NLRC3: variants seen among roughly 807,000 people sequenced by gnomAD.
NLRC3 encodes the protein NLR family CARD domain containing 3.
In NLRC3, 87 loss-of-function variants were observed where a neutral mutation model predicts 91.6. The ratio of observed to expected loss-of-function variants is 0.95; its 90% CI spans 0.80 to 1.14. The LOEUF is 1.14. NLRC3 is among the 50% of genes most tolerant of loss of function. The probability of loss-of-function intolerance (pLI) is 0.00; values close to 1 mark genes in which losing one functional copy is unlikely to be tolerated. For synonymous variants in NLRC3, 694 were observed against 625.3 expected, an observed-to-expected ratio of 1.11 and a Z score of -1.64; for missense variants, 1,577 against 1,418.6, an observed-to-expected ratio of 1.11 and a Z score of -1.79.
chr16:3,568,397 C>A (rs192406125), intron 1 of NLRC3, among the ~76,000 whole-genome samples: 58 of 152,200 alleles, frequency 3.8e-4, no homozygotes, highest in African/African-American at 1.2e-3. Flanking sequence ...TTCTTTTATT[C>A]TTCTAAATGT....
In NLRC3 at chr16:3,565,398, G is replaced by A. The variant is rs1459301081; in HGVS notation, c.-86-18C>T. The A allele has an allele frequency of 4.3e-6, 2 of 465,492 alleles. No individual in the cohort carries two copies. Among genetic ancestry groups the A allele is most frequent in the South Asian group, 1.6e-5 (1 of 63,774 alleles). The allele number at this position is 465,492 out of a possible 1,614,324, so 28.8% of individuals were successfully genotyped here. A position where few individuals can be genotyped will look rare whatever the true frequency, so the allele number is the denominator to read the frequency against. On this transcript the variant is annotated intron_variant, in intron 2 of 19. Coordinates refer to ENST00000359128, the MANE Select transcript of NLRC3 (RefSeq NM_178844.4). ...TTTGTGACCTGGAAATGATGATGAG[G>A]TTACAAGTAAGTTTGCTCAAAAGGA...
intron 5 of NLRC3, 113 bp downstream of exon 5, chr16:3,562,896 T>C: frequency 1.0e-6 from 1 of 978,724 alleles, no homozygotes; most frequent in Non-Finnish European, 1.6e-6. Flanking sequence ...TTCATGGTCC[T>C]CTGTTACGGC....
Position 3,565,002 on chromosome 16 carries a change from G to A in NLRC3, c.35C>T (p.Ala12Val). The A allele has an allele frequency of 6.2e-7, 1 of 1,610,286 alleles. No homozygotes were observed. Among genetic ancestry groups the A allele is most frequent in the Non-Finnish European group, 8.5e-7 (1 of 1,179,722 alleles). Reference protein sequence around the residue: ...RKQEVRTGREAGQGHGTGSPA... With the variant: ...RKQEVRTGREVGQGHGTGSPA... ...GGAGCCCGTACCGTGGCCCTGGCCG[G>A]CCTCCCTGCCCGTCCGCACCTCTTG... is the stretch of plus-strand genomic sequence containing the variant. The change falls in exon 4 of 20, where the codon GCC (alanine) becomes GTC (valine). Residue 12 changes from alanine (A) to valine (V), a missense_variant. Physicochemically the swap from Ala to Val is moderately conservative, Grantham distance 64 (BLOSUM62 0). Coordinates refer to ENST00000359128, the MANE Select transcript of NLRC3 (RefSeq NM_178844.4).
intron 8 of NLRC3, among the ~76,000 whole-genome samples, chr16:3,555,145 G>A (rs2039237008): frequency 6.6e-6 from 1 of 150,810 alleles, no homozygotes; most frequent in Non-Finnish European, 1.5e-5. Context: ...CAGGAGAAGT[G>A]CTTGAACCTG....
chr16:3,569,397 A>ATATATATATATATATTTTTT (rs2040013749), intron 1 of NLRC3, among the ~76,000 whole-genome samples: 1 of 41,046 alleles, frequency 2.4e-5, no homozygotes, highest in African/African-American at 1.2e-4. Flanking sequence ...TATATATATT[A>ATATATATATATATATTTTTT]TTTTTTTTTT....
chr16:3,555,051 GA>G (rs1204887807), intron 8 of NLRC3, among the ~76,000 whole-genome samples: 1 of 152,068 alleles, frequency 6.6e-6, no homozygotes, highest in Non-Finnish European at 1.5e-5. Flanking sequence ...CCAACATGGT[GA>G]AACCCCATCT....
At chr16:3,542,941 G>T in intron 17 of NLRC3, 166 bp from the exon 18 acceptor site, 1 of 590,344 alleles carries the variant, frequency 1.7e-6, no homozygotes, top group South Asian at 2.1e-5. Context: ...GGCAGAGCTG[G>T]CTCTGGGAAG....
rs775439474 is a variant in NLRC3, at chr16:3,556,934, G to C, written c.2160C>G (p.Ile720Met). The change falls in exon 8 of 20, where the codon ATC becomes ATG. Residue 720 changes from isoleucine to methionine, a missense_variant. Coordinates refer to ENST00000359128, the MANE Select transcript of NLRC3 (RefSeq NM_178844.4). ...ACCTCAGGGAGGTCAGGGTGCGGTT[G>C]ATCTTCAAAGCGTCTGCCAGCGCCT... ...GAKALADALK[I>M]NRTLTSLSLQ... 11 of 1,613,476 alleles carry C rather than the reference G, an allele frequency of 6.8e-6. No individual in the cohort carries two copies. Among genetic ancestry groups the C allele is most frequent in the Non-Finnish European group, 9.3e-6 (11 of 1,179,662 alleles).
At chr16:3,577,012 G>A (rs2040330413) in intron 1 of NLRC3, 137 bp downstream of exon 1, 2 of 672,894 alleles carry the variant, frequency 3.0e-6, no homozygotes, top group Non-Finnish European at 5.4e-6. Context: ...TGCCCCAGGA[G>A]ACAGCTTCTT....
chr16:3,563,716 C>T lies in NLRC3; in HGVS notation c.1221G>A (p.Gly407=). The change falls in exon 5 of 20, where the codon GGG becomes GGA. Residue 407 remains glycine (G), a synonymous_variant. Coordinates refer to ENST00000359128, the MANE Select transcript of NLRC3 (RefSeq NM_178844.4). ...VGTLGRLAFH[G]LLKKKYVFYE... ...AAAACACGTATTTCTTCTTGAGCAG[C>T]CCATGGAAGGCCAGACGGCCCAATG... is the stretch of plus-strand genomic sequence containing the variant. The T allele has an allele frequency of 6.2e-7, 1 of 1,613,580 alleles. No homozygotes were observed. Among genetic ancestry groups the T allele is most frequent in the Non-Finnish European group, 8.5e-7 (1 of 1,179,808 alleles).
chr16:3,551,880 C>T (rs977827860), intron 10 of NLRC3, among the ~76,000 whole-genome samples: 1 of 151,168 alleles, frequency 6.6e-6, no homozygotes, highest in African/African-American at 2.4e-5. Flanking sequence ...CATCCATCCA[C>T]CCACCCATAT....
intron 1 of NLRC3, among the ~76,000 whole-genome samples, chr16:3,572,880 G>A (rs773923477): frequency 1.3e-5 from 2 of 151,936 alleles, no homozygotes; most frequent in Non-Finnish European, 2.9e-5. Flanking sequence ...GGGCATGGTG[G>A]TGGGTGACCG....
chr16:3,568,713 T>G (rs1336230924), intron 1 of NLRC3, among the ~76,000 whole-genome samples: 1 of 151,564 alleles, frequency 6.6e-6, no homozygotes, highest in Admixed American at 6.6e-5. Flanking sequence ...GGCAACAGAG[T>G]GAGACCCTGT....
intron 2 of NLRC3, among the ~76,000 whole-genome samples, chr16:3,566,194 T>G (rs898511373): frequency 6.6e-6 from 1 of 150,398 alleles, no homozygotes; most frequent in Non-Finnish European, 1.5e-5. Flanking sequence ...GTTTACTGAT[T>G]ATAATCAATG....
At chr16:3,550,916 C>T (rs1223379784) in intron 10 of NLRC3, among the ~76,000 whole-genome samples, 1 of 152,138 alleles carries the variant, frequency 6.6e-6, no homozygotes, top group African/African-American at 2.4e-5. Context: ...CTAACCAGCA[C>T]TCACACTTCC....
At chr16:3,577,021 TTGGAGTCTCG>T in intron 1 of NLRC3, 118 bp downstream of exon 1, 2 of 680,932 alleles carry the variant, frequency 2.9e-6, no homozygotes, top group Admixed American at 2.1e-5. Flanking sequence ...AGACAGCTTC[TTGGAGTCTCG>T]TGGAGTCTCC....
At position 3,549,117 on chromosome 16, in the gene NLRC3, G is replaced by A. The variant is rs188844719; in HGVS notation, c.2603+25C>T. On this transcript the variant is annotated intron_variant, in intron 13 of 19. Transcript: ENST00000359128. ...TGTGGTCATGGCATGAACAGCCTGT[G>A]GAGTCACAGGCCCCCACCACGTACT... The A allele has an allele frequency of 2.8e-5, 42 of 1,516,060 alleles. No homozygotes were observed. The East Asian group carries it at 1.0e-3, about 37-fold the overall frequency. The allele number at this position is 1,516,060 out of a possible 1,614,324, so 93.9% of individuals were successfully genotyped here. A position where few individuals can be genotyped will look rare whatever the true frequency, so the allele number is the denominator to read the frequency against.
Position 3,562,917 on chromosome 16 carries a change from G to A in NLRC3, c.1928+92C>T, listed in dbSNP as rs1215888796. 10 of 1,155,946 alleles carry A rather than the reference G, an allele frequency of 8.7e-6. No individual in the cohort carries two copies. In the East Asian group the frequency reaches 1.5e-4, roughly 18 times the overall value. The allele number at this position is 1,155,946 out of a possible 1,614,324, so 71.6% of individuals were successfully genotyped here. ...GTCCTCTGTTACGGCAGCCCTAGGA[G>A]ACTGACAGAGAAGCTTGGTGGTGGG... On this transcript the variant is annotated intron_variant, in intron 5 of 19. Coordinates refer to ENST00000359128, the MANE Select transcript of NLRC3 (RefSeq NM_178844.4).
chr16:3,570,763 C>T (rs1283222042), intron 1 of NLRC3, among the ~76,000 whole-genome samples: 2 of 152,144 alleles, frequency 1.3e-5, no homozygotes, highest in Admixed American at 6.5e-5. Context: ...GGTAAGTGAG[C>T]AAGTGGCACC....
Sources: allele counts gnomAD v4.1 joint callset (sites outside exome capture counted in the v4.1 genomes callset), GRCh38; gene constraint gnomAD v4.1.1; transcripts MANE v1.5; gene names NCBI Gene and HGNC (gene_info 2026-07-23, HGNC 2026-07-21).